ACTN2: variants seen among roughly 807,000 people sequenced by gnomAD.
The protein encoded by ACTN2 is alpha-actinin-2.
Under a neutral mutation model 113.8 loss-of-function variants are expected in ACTN2, and 39 were observed. That is an observed-to-expected ratio of 0.34 (90% CI 0.27 to 0.45). The LOEUF (loss-of-function observed/expected upper bound fraction) is 0.45. Ranked by LOEUF, ACTN2 falls within the 20% of genes least tolerant of loss-of-function variation. The pLI, the probability that ACTN2 is intolerant of heterozygous loss-of-function variation, is 1.00. For synonymous variants in ACTN2, 429 were observed against 444.1 expected, an observed-to-expected ratio of 0.97 and a Z score of 0.43; for missense variants, 992 against 1,177.9, an observed-to-expected ratio of 0.84 and a Z score of 2.31.
At position 236,755,183 on chromosome 1, in the gene ACTN2, G is replaced by A. The variant is rs34975493; in HGVS notation, c.2139G>A (p.Thr713=). 9,697 of 1,614,082 alleles carry A rather than the reference G, an allele frequency of 6.0e-3. 524 individuals carry two copies. The African/African-American group carries it at 0.12, about 19-fold the overall frequency. ...QEALVFDNKH[T]NYTMEHIRVG... ...CCCTTGTCTTTGACAACAAGCACAC[G>A]AACTACACGATGGAGGTACGGCAGC... Residue 713 remains threonine (T), a synonymous_variant, in exon 17 of 21, where the codon ACG becomes ACA. Transcript: ENST00000366578.
intron 11 of ACTN2, among the ~76,000 whole-genome samples, chr1:236,743,563 A>G (rs1472844546): frequency 6.8e-6 from 1 of 147,646 alleles, no homozygotes; most frequent in Non-Finnish European, 1.5e-5. Flanking sequence ...ACATAAGAAT[A>G]TGGCCCTTTT....
chr1:236,711,228 A>G (rs972038867), intron 1 of ACTN2, among the ~76,000 whole-genome samples: 6 of 152,234 alleles, frequency 3.9e-5, no homozygotes, highest in Admixed American at 6.5e-5. Flanking sequence ...CCAGCTGTCT[A>G]AGGAATATAC....
Position 236,762,882 on chromosome 1 carries a change from T to C in ACTN2, c.*263T>C, listed in dbSNP as rs1433379966. 10 of 471,118 alleles carry C rather than the reference T, an allele frequency of 2.1e-5. No individual in the cohort carries two copies. The East Asian group carries it at 3.9e-4, about 18-fold the overall frequency. The allele number at this position is 471,118 out of a possible 1,614,324, so 29.2% of individuals were successfully genotyped here. On this transcript the variant is annotated 3_prime_UTR_variant, in exon 21 of 21. Coordinates refer to ENST00000366578, the MANE Select transcript of ACTN2 (RefSeq NM_001103.4). ...TGAAATATCAGGTTGATTTCTTTGA[T>C]TAAACAGAACAAATTACTTGAGTAA...
rs1420594947 is a variant in ACTN2 at position 236,686,516 on chromosome 1, C to G, written c.-158C>G. 2.0e-5 allele frequency: 16 copies of G among 799,330 alleles called. No individual in the cohort carries two copies. Among genetic ancestry groups the G allele is most frequent in the Non-Finnish European group, 2.3e-5 (14 of 600,224 alleles). 49.5% of individuals were successfully genotyped at this position (799,330 alleles called of 1,614,324 possible). A position where few individuals can be genotyped will look rare whatever the true frequency, so the allele number is the denominator to read the frequency against. On this transcript the variant is annotated 5_prime_UTR_variant, in exon 1 of 21. Coordinates refer to ENST00000366578, the MANE Select transcript of ACTN2 (RefSeq NM_001103.4). ...TCGCAGCCGGAGCTGGTGCTTCGCC[C>G]GAGACCCAGCGCCCAGGCGTGTCGC...
Position 236,754,636 on chromosome 1 carries a change from C to T in ACTN2, c.1975-383C>T, listed in dbSNP as rs1468169074. The stretch of plus-strand genomic sequence containing the variant: ...TAAGAAATTCTGATGGAGGAAGCAT[C>T]CCGTGGGTCTTCAATCTGTCTGGCA... On this transcript the variant is annotated intron_variant, in intron 16 of 20. Coordinates refer to ENST00000366578, the MANE Select transcript of ACTN2 (RefSeq NM_001103.4). This position sits in a 1 kb window ranked among gnomAD's most constrained non-coding sequence, Gnocchi z 4.9. Among the ~76,000 whole-genome samples the T allele has an allele frequency of 6.6e-6, 1 of 152,176 alleles. No homozygotes were observed. Among genetic ancestry groups the T allele is most frequent in the Admixed American group, 6.5e-5 (1 of 15,278 alleles).
At chr1:236,695,718 T>C (rs1310066792) in intron 1 of ACTN2, among the ~76,000 whole-genome samples, 1 of 152,104 alleles carries the variant, frequency 6.6e-6, no homozygotes, top group African/African-American at 2.4e-5. Context: ...AGTGCTGGAA[T>C]TGGAAAATGG....
At position 236,686,671 on chromosome 1, in the gene ACTN2, G is replaced by C; in HGVS notation, c.-3G>C. On this transcript the variant is annotated 5_prime_UTR_variant, in exon 1 of 21. Transcript: ENST00000366578. The stretch of plus-strand genomic sequence containing the variant: ...CCGCCGCAGCCCCGGCCAACCGAGC[G>C]CCATGAACCAGATAGAGCCCGGCGT... The C allele has an allele frequency of 1.3e-6, 2 of 1,555,346 alleles. No individual in the cohort carries two copies. Among genetic ancestry groups the C allele is most frequent in the East Asian group, 5.2e-5 (2 of 38,202 alleles).
At chr1:236,735,773 TTG>T (rs1185467056) in intron 8 of ACTN2, 53 bp downstream of exon 8, 6 of 1,468,278 alleles carry the variant, frequency 4.1e-6, no homozygotes, top group Non-Finnish European at 5.7e-6. Context: ...TTGGTTTTAG[TTG>T]TGTGTGCATA....
chr1:236,686,526 C>T lies in ACTN2; in HGVS notation c.-148C>T, dbSNP rs1025690790. Reference sequence around the variant, plus strand: ...AGCTGGTGCTTCGCCCGAGACCCAGCGCCCAGGCGTGTCGCCCCGAGAGGA... The same window carrying T: ...AGCTGGTGCTTCGCCCGAGACCCAGTGCCCAGGCGTGTCGCCCCGAGAGGA... On this transcript the variant is annotated 5_prime_UTR_variant, in exon 1 of 21. Coordinates refer to ENST00000366578, the MANE Select transcript of ACTN2 (RefSeq NM_001103.4). The T allele has an allele frequency of 1.2e-5, 11 of 898,770 alleles. No individual in the cohort carries two copies. The highest frequency in any genetic ancestry group is 4.0e-4 in the Middle Eastern group (1 of 2,496). The allele number at this position is 898,770 out of a possible 1,614,324, so 55.7% of individuals were successfully genotyped here.
chr1:236,698,920 A>G (rs541446794), intron 1 of ACTN2, among the ~76,000 whole-genome samples: 1 of 152,198 alleles, frequency 6.6e-6, no homozygotes, highest in African/African-American at 2.4e-5. Context: ...GCTAGGCTCA[A>G]GTTAAGTGAG....
intron 6 of ACTN2, among the ~76,000 whole-genome samples, chr1:236,728,379 G>A (rs888201603): frequency 1.3e-5 from 2 of 152,098 alleles, no homozygotes; most frequent in African/African-American, 2.4e-5. Flanking sequence ...TCCTGAGCTC[G>A]TGATCCGCCC....
At chr1:236,718,060 T>G (rs886076831) in intron 2 of ACTN2, 88 bp downstream of exon 2, 3 of 1,041,102 alleles carry the variant, frequency 2.9e-6, no homozygotes. Flanking sequence ...AAGTTCGCTT[T>G]GAACTTGGCT....
chr1:236,686,825 G>T, intron 1 of ACTN2, 26 bp downstream of exon 1: 1 of 1,450,624 alleles, frequency 6.9e-7, no homozygotes, highest in Non-Finnish European at 9.1e-7. Context: ...CGGGCCGCCC[G>T]CGCGTGGTGG....
chr1:236,725,825 AC>A (rs1349108241), intron 4 of ACTN2, 107 bp from the exon 5 acceptor site: 1 of 935,348 alleles, frequency 1.1e-6, no homozygotes, highest in South Asian at 1.3e-5. Context: ...GTAGGAAGAG[AC>A]CCCCTGGGTG....
At chr1:236,704,665 A>G (rs1489446195) in intron 1 of ACTN2, among the ~76,000 whole-genome samples, 1 of 152,174 alleles carries the variant, frequency 6.6e-6, no homozygotes, top group Non-Finnish European at 1.5e-5. Context: ...GAGGAGATGC[A>G]TAGGGTGAGG....
At chr1:236,752,784 G>C (rs6677567) in intron 15 of ACTN2, among the ~76,000 whole-genome samples, 137,829 of 151,900 alleles carry the variant, frequency 0.91, 62,632 homozygotes, top group South Asian at 0.94. Context: ...AACTCCTGAC[G>C]TCAGGTGATC....
chr1:236,720,942 A>G (rs1658364403), intron 4 of ACTN2, among the ~76,000 whole-genome samples: 1 of 148,162 alleles, frequency 6.7e-6, no homozygotes, highest in African/African-American at 2.5e-5. Context: ...GTAACCAGGT[A>G]CCTGAGTGGT....
chr1:236,744,581 C>A (rs1237748133), intron 11 of ACTN2, 45 bp from the exon 12 acceptor site: 2 of 1,610,222 alleles, frequency 1.2e-6, no homozygotes, highest in Admixed American at 3.4e-5. Context: ...GAGGAAGCCG[C>A]TGTGCCCTCA....
At chr1:236,704,423 G>A (rs1346777778) in intron 1 of ACTN2, among the ~76,000 whole-genome samples, 1 of 152,146 alleles carries the variant, frequency 6.6e-6, no homozygotes, top group Non-Finnish European at 1.5e-5. Context: ...GACACTGTCC[G>A]TTTGGTGATA....
Sources: allele counts gnomAD v4.1 joint callset (sites outside exome capture counted in the v4.1 genomes callset), GRCh38; gene constraint gnomAD v4.1.1; non-coding constraint Gnocchi (gnomAD v3.1); transcripts MANE v1.5; gene names NCBI Gene and HGNC (gene_info 2026-07-23, HGNC 2026-07-21).